The following ANKS1B variants were observed in gnomAD, a reference collection of about 807,000 sequenced individuals.
ANKS1B encodes the protein ankyrin repeat and sterile alpha motif domain-containing protein 1B.
Under a neutral mutation model 148.3 loss-of-function variants are expected in ANKS1B, and 36 were observed. The ratio of observed to expected loss-of-function variants is 0.24; its 90% CI spans 0.19 to 0.32. The LOEUF is 0.32. ANKS1B is among the 10% of genes least tolerant of loss of function. The pLI is 1.00. For synonymous variants in ANKS1B, 542 were observed against 560.8 expected, an observed-to-expected ratio of 0.97 and a Z score of 0.47; for missense variants, 1,157 against 1,542.6, an observed-to-expected ratio of 0.75 and a Z score of 4.19.
At chr12:99,153,033 T>C (rs2075343578) in intron 15 of ANKS1B, among the ~76,000 whole-genome samples, 1 of 152,124 alleles carries the variant, frequency 6.6e-6, no homozygotes, top group African/African-American at 2.4e-5. Context: ...TATATCAGTA[T>C]AAAAAAACCA....
At chr12:99,896,172 A>G (rs1055076118) in intron 1 of ANKS1B, among the ~76,000 whole-genome samples, 2 of 150,960 alleles carry the variant, frequency 1.3e-5, no homozygotes, top group African/African-American at 2.4e-5. Flanking sequence ...CTATACAGTA[A>G]ATCTCTGTGC....
intron 16 of ANKS1B, among the ~76,000 whole-genome samples, chr12:99,059,520 T>C (rs902720653): frequency 6.6e-6 from 1 of 152,016 alleles, no homozygotes; most frequent in African/African-American, 2.4e-5. Flanking sequence ...CAGTTCCAGA[T>C]AGGATATTGT....
chr12:99,135,639 A>G (rs1006378092), intron 15 of ANKS1B, among the ~76,000 whole-genome samples: 2 of 152,192 alleles, frequency 1.3e-5, no homozygotes, highest in African/African-American at 4.8e-5. Flanking sequence ...TGACATACTA[A>G]GCCACGCTAT....
At chr12:98,743,835 T>C (rs1565923185), downstream of ANKS1B, 1 of 240,902 alleles carries the variant, frequency 4.2e-6, no homozygotes, top group Non-Finnish European at 6.7e-6. Context: ...CTGGTTGAAC[T>C]TGGAACTGTG....
chr12:99,056,880 A>G (rs1358357314), intron 16 of ANKS1B, among the ~76,000 whole-genome samples: 1 of 152,226 alleles, frequency 6.6e-6, no homozygotes, highest in African/African-American at 2.4e-5. Flanking sequence ...GACATCTCAC[A>G]TAAATGTCCT....
intron 11 of ANKS1B, among the ~76,000 whole-genome samples, chr12:99,429,687 G>C (rs1214199864): frequency 6.6e-6 from 1 of 152,330 alleles, no homozygotes; most frequent in African/African-American, 2.4e-5. Flanking sequence ...CATGGGGCCG[G>C]GCGCGGTGGC....
chr12:99,017,298 TA>T (rs1202157016), intron 17 of ANKS1B, among the ~76,000 whole-genome samples: 3 of 152,128 alleles, frequency 2.0e-5, no homozygotes, highest in Non-Finnish European at 4.4e-5. Flanking sequence ...TTCTCAAAAC[TA>T]AATCACCTTT....
intron 12 of ANKS1B, among the ~76,000 whole-genome samples, chr12:99,367,351 T>C (rs1179283157): frequency 2.0e-5 from 3 of 152,204 alleles, no homozygotes; most frequent in Non-Finnish European, 4.4e-5. Flanking sequence ...AAATGAATGC[T>C]ATTCTGAGAG....
intron 17 of ANKS1B, among the ~76,000 whole-genome samples, chr12:98,848,817 T>A (rs183906): frequency 7.0e-6 from 1 of 143,624 alleles, no homozygotes; most frequent in East Asian, 2.0e-4. Context: ...TGGCTCACTG[T>A]GACCTCCGCC....
intron 9 of ANKS1B, among the ~76,000 whole-genome samples, chr12:99,591,349 T>C (rs1230983315): frequency 6.6e-6 from 1 of 152,010 alleles, no homozygotes; most frequent in Non-Finnish European, 1.5e-5. Context: ...TTTTCCAGGA[T>C]AAAGAGCAAA....
chr12:98,800,957 T>C (rs1295726151), intron 21 of ANKS1B, 40 bp downstream of exon 21: 1 of 1,595,274 alleles, frequency 6.3e-7, no homozygotes, highest in Non-Finnish European at 8.6e-7. Flanking sequence ...ATACCCCCTA[T>C]CTCCACTTAG....
intron 15 of ANKS1B, among the ~76,000 whole-genome samples, chr12:99,143,845 C>T (rs763401515): frequency 2.2e-4 from 34 of 152,078 alleles, no homozygotes; most frequent in Non-Finnish European, 3.5e-4. Flanking sequence ...TCAAGGAATG[C>T]TCACGCTACT....
intron 15 of ANKS1B, among the ~76,000 whole-genome samples, chr12:99,141,634 G>A (rs978194671): frequency 2.7e-5 from 4 of 150,760 alleles, no homozygotes; most frequent in African/African-American, 4.9e-5. Flanking sequence ...ATGTGTCCAT[G>A]TGTTCTCATC....
At chr12:99,053,106 T>A (rs963736590) in intron 17 of ANKS1B, 51 bp downstream of exon 17, 5 of 1,455,130 alleles carry the variant, frequency 3.4e-6, no homozygotes, top group Admixed American at 2.7e-5. Flanking sequence ...AAAATTAAAT[T>A]TCATTTATCA....
At chr12:99,395,024 C>T (rs2094199696) in intron 12 of ANKS1B, among the ~76,000 whole-genome samples, 1 of 152,144 alleles carries the variant, frequency 6.6e-6, no homozygotes, top group African/African-American at 2.4e-5. Context: ...TTCTCATTTT[C>T]TCATATACCA....
intron 9 of ANKS1B, among the ~76,000 whole-genome samples, chr12:99,603,657 G>A (rs1348091471): frequency 6.6e-6 from 1 of 151,830 alleles, no homozygotes; most frequent in African/African-American, 2.4e-5. Flanking sequence ...TCTGAATTCT[G>A]GAGGGATACA....
chr12:99,339,431 C>A (rs2089528704), intron 12 of ANKS1B, among the ~76,000 whole-genome samples: 1 of 152,168 alleles, frequency 6.6e-6, no homozygotes, highest in South Asian at 2.1e-4. Context: ...CAATTCACAG[C>A]TGTCTTTCCT....
At chr12:98,749,412 C>G (rs926601432) in intron 26 of ANKS1B, among the ~76,000 whole-genome samples, 2 of 152,044 alleles carry the variant, frequency 1.3e-5, no homozygotes, top group African/African-American at 4.8e-5. Context: ...CGGCCCAAAA[C>G]TTAGATTTTT....
At chr12:99,632,727 C>CCA (rs2098175150) in intron 9 of ANKS1B, among the ~76,000 whole-genome samples, 2 of 39,050 alleles carry the variant, frequency 5.1e-5, no homozygotes, top group African/African-American at 1.4e-4. Flanking sequence ...CCTTTTCTTT[C>CCA]TATATATATA....
Sources: allele counts gnomAD v4.1 joint callset (sites outside exome capture counted in the v4.1 genomes callset), GRCh38; gene constraint gnomAD v4.1.1; transcripts MANE v1.5; gene names NCBI Gene and HGNC (gene_info 2026-07-23, HGNC 2026-07-21).